Variants in OLA1 observed in about 807,000 individuals in gnomAD.
OLA1 encodes obg-like ATPase 1.
A neutral mutation model predicts 48.4 loss-of-function variants in OLA1; 14 were observed. The ratio of observed to expected loss-of-function variants is 0.29; its 90% CI spans 0.19 to 0.45. OLA1 has a LOEUF of 0.45. Ranked by LOEUF, OLA1 falls within the 20% of genes least tolerant of loss-of-function variation. OLA1 has a pLI of 1.00. For synonymous variants in OLA1, 127 were observed against 150.4 expected (o/e 0.84, Z 1.14); for missense variants, 325 against 467.1 (o/e 0.70, Z 2.80).
At chr2:174,099,398 C>T (rs1361650603) in intron 7 of OLA1, among the ~76,000 whole-genome samples, 2 of 152,286 alleles carry the variant, frequency 1.3e-5, no homozygotes, top group East Asian at 1.9e-4. Flanking sequence ...TTATGATCCG[C>T]CCGCCTTGGC....
intron 4 of OLA1, among the ~76,000 whole-genome samples, chr2:174,202,035 T>C (rs1321516436): frequency 1.3e-5 from 2 of 152,168 alleles, no homozygotes; most frequent in Admixed American, 1.3e-4. Flanking sequence ...TTTTGAAGAT[T>C]TGCAAGTTTG....
At chr2:174,111,938 A>C (rs16862386) in intron 7 of OLA1, among the ~76,000 whole-genome samples, 3,768 of 152,326 alleles carry the variant, frequency 0.025, 150 homozygotes, top group African/African-American at 0.084. Flanking sequence ...AATGGCTATT[A>C]AATTGGAAAA....
intron 4 of OLA1, among the ~76,000 whole-genome samples, chr2:174,183,548 CCTCTAT>C (rs1553486731): frequency 6.6e-6 from 1 of 152,188 alleles, no homozygotes; most frequent in Non-Finnish European, 1.5e-5. Flanking sequence ...CTACCTTATC[CCTCTAT>C]CAAATACCAT....
chr2:174,107,644 G>A (rs558822813), intron 7 of OLA1, among the ~76,000 whole-genome samples: 9 of 152,096 alleles, frequency 5.9e-5, no homozygotes, highest in South Asian at 2.1e-4. Context: ...CTGACCTCTC[G>A]TTCCCCTAAA....
intron 1 of OLA1, chr2:174,247,765 G>A (rs1559025382): frequency 6.4e-7 from 1 of 1,550,744 alleles, no homozygotes. Context: ...TCTACATTAT[G>A]GTTACTATTT....
At chr2:174,243,976 C>T (rs187860195) in intron 2 of OLA1, among the ~76,000 whole-genome samples, 38 of 152,184 alleles carry the variant, frequency 2.5e-4, no homozygotes, top group African/African-American at 6.7e-4. Flanking sequence ...CAAGTCCGGT[C>T]GGATTTCCTT....
At chr2:174,211,907 T>C (rs190206030) in intron 4 of OLA1, among the ~76,000 whole-genome samples, 6 of 152,346 alleles carry the variant, frequency 3.9e-5, no homozygotes, top group African/African-American at 1.4e-4. Context: ...TCTTTTTAAC[T>C]TTTTTAATGT....
At chr2:174,108,257 ATACT>A (rs1294924189) in intron 7 of OLA1, among the ~76,000 whole-genome samples, 1 of 152,138 alleles carries the variant, frequency 6.6e-6, no homozygotes, top group Non-Finnish European at 1.5e-5. Flanking sequence ...AAAAATAAAA[ATACT>A]TATTTTCAAA....
chr2:174,160,302 TC>T (rs1686981417), intron 4 of OLA1, among the ~76,000 whole-genome samples: 1 of 152,162 alleles, frequency 6.6e-6, no homozygotes, highest in African/African-American at 2.4e-5. Context: ...AAACTATACT[TC>T]CACTAAATGT....
At chr2:174,149,339 C>A (rs1360116569) in intron 4 of OLA1, among the ~76,000 whole-genome samples, 3 of 152,094 alleles carry the variant, frequency 2.0e-5, no homozygotes, top group Non-Finnish European at 4.4e-5. Flanking sequence ...CTGGTCATTT[C>A]TTTTCTTGTT....
intron 7 of OLA1, among the ~76,000 whole-genome samples, chr2:174,122,530 G>A (rs1685936562): frequency 1.3e-5 from 2 of 152,182 alleles, no homozygotes; most frequent in Admixed American, 6.5e-5. Context: ...AGTCCAGTGA[G>A]GCAAGTCAAA....
rs1230092202 is a variant in OLA1 at position 174,225,990 on chromosome 2, C to G, written c.246-2830G>C. On this transcript the variant is annotated intron_variant, in intron 3 of 10. Coordinates refer to ENST00000284719, the MANE Select transcript of OLA1 (RefSeq NM_013341.5). ...CGGGCGGATCACGAGGTCAAGAGAT[C>G]GAGACCATCCCGGCTAAAACGGTGA... Among the ~76,000 whole-genome samples the G allele has an allele frequency of 4.6e-5, 2 of 43,482 alleles. 1 individual carries two copies. Among genetic ancestry groups the G allele is most frequent in the Admixed American group, 5.0e-4 (2 of 3,990 alleles). The allele number at this position is 43,482 out of a possible 152,430, so 28.5% of individuals were successfully genotyped here.
chr2:174,247,064 A>C (rs911384746), intron 1 of OLA1: 2 of 267,914 alleles, frequency 7.5e-6, no homozygotes, highest in African/African-American at 2.2e-5. Flanking sequence ...TCTAAAATCA[A>C]TATTTGTTGG....
At chr2:174,116,423 T>G (rs942032125) in intron 7 of OLA1, among the ~76,000 whole-genome samples, 2 of 152,244 alleles carry the variant, frequency 1.3e-5, no homozygotes, top group African/African-American at 4.8e-5. Context: ...GTAATGTTAC[T>G]GATCTCAAAT....
chr2:174,209,657 C>T (rs1242442772), intron 4 of OLA1, among the ~76,000 whole-genome samples: 1 of 152,092 alleles, frequency 6.6e-6, no homozygotes, highest in Non-Finnish European at 1.5e-5. Flanking sequence ...TAGCTGCATA[C>T]AGTAGAAACT....
intron 10 of OLA1, among the ~76,000 whole-genome samples, chr2:174,077,998 C>T (rs10930634): frequency 0.15 from 23,019 of 151,862 alleles, 2,021 homozygotes; most frequent in Middle Eastern, 0.24. Flanking sequence ...GTTATTCCTT[C>T]CACTCTTTCA....
chr2:174,239,829 G>C (rs1222601775), intron 2 of OLA1, among the ~76,000 whole-genome samples: 1 of 151,740 alleles, frequency 6.6e-6, no homozygotes, highest in Non-Finnish European at 1.5e-5. Flanking sequence ...AGGAATTTGA[G>C]GCTGCAGTGA....
intron 4 of OLA1, among the ~76,000 whole-genome samples, chr2:174,146,236 T>C (rs946618788): frequency 6.6e-6 from 1 of 152,194 alleles, no homozygotes; most frequent in Non-Finnish European, 1.5e-5. Context: ...CTAGCTGTAA[T>C]GGGAAGTCTG....
In OLA1 at chr2:174,187,662, C is replaced by CT. The variant is rs548783529; in HGVS notation, c.373+35370dup. Among the ~76,000 whole-genome samples, 3 of 152,356 alleles carry CT rather than the reference C, an allele frequency of 2.0e-5. No individual in the cohort carries two copies. In the South Asian group the frequency reaches 6.2e-4, roughly 32 times the overall value. The stretch of plus-strand genomic sequence containing the variant: ...TCAAAAGTAATATTTATGCCATGTA[C>CT]TTTCCTCCGATGTGACTTCTTTAAC... On this transcript the variant is annotated intron_variant, in intron 4 of 10. Transcript: ENST00000284719.
Sources: gnomAD v4.1 joint callset for allele counts (sites outside exome capture counted in the v4.1 genomes callset) on GRCh38, gnomAD v4.1.1 for gene constraint, MANE v1.5 for transcripts, NCBI Gene and HGNC (gene_info 2026-07-23, HGNC 2026-07-21) for gene names.